Variants in MTREX observed in about 807,000 individuals in gnomAD.
MTREX encodes Mtr4 exosome RNA helicase.
MTREX carries 76 observed loss-of-function variants against 135.4 expected under a neutral mutation model. The ratio of observed to expected loss-of-function variants is 0.56; its 90% CI spans 0.47 to 0.68. The LOEUF (loss-of-function observed/expected upper bound fraction) is 0.68. Ranked by LOEUF, MTREX falls within the 30% of genes least tolerant of loss-of-function variation. MTREX has a pLI of 0.00. For missense variants in MTREX, 920 were observed against 1,262.1 expected, an observed-to-expected ratio of 0.73 and a Z score of 4.11; for synonymous variants, 404 against 401.6, an observed-to-expected ratio of 1.01 and a Z score of -0.07.
chr5:55,385,187 T>A (rs1290594373), intron 18 of MTREX, among the ~76,000 whole-genome samples: 1 of 152,166 alleles, frequency 6.6e-6, no homozygotes, highest in Non-Finnish European at 1.5e-5. Flanking sequence ...CTGAGTAACA[T>A]CACTGCTTTA....
At chr5:55,351,571 G>A (rs1460045931) in intron 13 of MTREX, among the ~76,000 whole-genome samples, 1 of 152,080 alleles carries the variant, frequency 6.6e-6, no homozygotes, top group Admixed American at 6.6e-5. Context: ...TAACACTATT[G>A]GATACCACAG....
At chr5:55,409,817 C>T (rs1452687322) in intron 22 of MTREX, among the ~76,000 whole-genome samples, 1 of 152,174 alleles carries the variant, frequency 6.6e-6, no homozygotes, top group Non-Finnish European at 1.5e-5. Context: ...GGATATTTTT[C>T]AGATTTGTGG....
At chr5:55,389,348 T>G (rs1750528083) in intron 19 of MTREX, among the ~76,000 whole-genome samples, 1 of 152,220 alleles carries the variant, frequency 6.6e-6, no homozygotes, top group African/African-American at 2.4e-5. Flanking sequence ...TAGTAAGTCA[T>G]AGCACTCTTA....
chr5:55,341,758 TA>T lies in MTREX; in HGVS notation c.769del (p.Met257Ter). On this transcript the variant is annotated frameshift_variant, in exon 7 of 27. Transcript: ENST00000230640. LOFTEE classifies it high-confidence loss of function. The part of the protein sequence containing the change: ...AWVIFDEIHY[M>X]RDSERGVVWE... The stretch of plus-strand genomic sequence containing the variant: ...GGGTTATATTTGATGAAATTCATTA[TA>T]TGAGAGATTCAGGTATATTCAGTGT... The T allele has an allele frequency of 6.6e-7, 1 of 1,525,606 alleles. No homozygotes were observed. Among genetic ancestry groups the T allele is most frequent in the African/African-American group, 1.4e-5 (1 of 73,176 alleles). 94.5% of individuals were successfully genotyped at this position (1,525,606 alleles called of 1,614,324 possible).
chr5:55,413,317 C>T (rs1227819203), intron 23 of MTREX, among the ~76,000 whole-genome samples: 5 of 143,034 alleles, frequency 3.5e-5, no homozygotes, highest in Non-Finnish European at 7.5e-5. Context: ...AGCTGGGCAA[C>T]AGAGCGAGAC....
chr5:55,421,819 C>G (rs1751059874), intron 25 of MTREX, among the ~76,000 whole-genome samples: 1 of 151,940 alleles, frequency 6.6e-6, no homozygotes, highest in Non-Finnish European at 1.5e-5. Context: ...TGAGCCACTA[C>G]CTAATTTAAT....
At chr5:55,420,056 C>T (rs1321256176) in intron 25 of MTREX, among the ~76,000 whole-genome samples, 2 of 152,186 alleles carry the variant, frequency 1.3e-5, no homozygotes, top group African/African-American at 4.8e-5. Flanking sequence ...GATACTTACT[C>T]GTTTAATGAA....
intron 19 of MTREX, among the ~76,000 whole-genome samples, chr5:55,395,445 G>A (rs1425306182): frequency 6.6e-6 from 1 of 151,946 alleles, no homozygotes; most frequent in Non-Finnish European, 1.5e-5. Flanking sequence ...AGTTAGAAAA[G>A]TCACCATTAG....
chr5:55,354,879 A>G (rs972917633), intron 14 of MTREX, among the ~76,000 whole-genome samples: 4 of 152,190 alleles, frequency 2.6e-5, no homozygotes, highest in Non-Finnish European at 2.9e-5. Context: ...TTTCTAGTGG[A>G]CAGCAGTCAA....
chr5:55,340,035 G>A lies in MTREX; in HGVS notation c.541G>A (p.Glu181Lys). 1 of 1,568,274 alleles carries A rather than the reference G, an allele frequency of 6.4e-7. No homozygotes were observed. Among genetic ancestry groups the A allele is most frequent in the Non-Finnish European group, 8.6e-7 (1 of 1,158,206 alleles). Residue 181 changes from glutamate to lysine, a missense_variant, in exon 6 of 27, where the codon GAA becomes AAA. This residue lies in a region of MTREX where 82 missense variants were observed against 107.4 expected (regional missense o/e 0.76). Coordinates refer to ENST00000230640, the MANE Select transcript of MTREX (RefSeq NM_015360.5). ...AEYAIALALR[E>K]KQRVIFTSPI... ...GTATGCCATTGCATTGGCCTTAAGG[G>A]AAAAGCAGCGTGTAATATTTACCAG...
intron 16 of MTREX, among the ~76,000 whole-genome samples, chr5:55,374,264 TTATA>T (rs763872215): frequency 6.4e-5 from 9 of 139,654 alleles, no homozygotes; most frequent in African/African-American, 1.9e-4. Flanking sequence ...CAAAAAACAT[TTATA>T]TATATATATA....
At chr5:55,383,661 C>A (rs1416310333) in intron 18 of MTREX, among the ~76,000 whole-genome samples, 1 of 152,120 alleles carries the variant, frequency 6.6e-6, no homozygotes, top group Non-Finnish European at 1.5e-5. Context: ...TAGAAAGTGA[C>A]CAAACTTCTT....
chr5:55,405,465 A>C lies in MTREX; in HGVS notation c.2522A>C (p.Lys841Thr), dbSNP rs1314865535. ...AAATCTGCAAAGCGAGAACTGAAGA[A>C]AGCAAGAACAGTCCTACAAATGGAT... is the stretch of plus-strand genomic sequence containing the variant. The part of the protein sequence containing the change: ...DIKSAKRELK[K>T]ARTVLQMDEL... The change falls in exon 22 of 27, where the codon AAA (lysine) becomes ACA (threonine). Residue 841 changes from lysine to threonine, a missense_variant. Lys to Thr is a moderately conservative substitution (Grantham distance 78, BLOSUM62 -1). Transcript: ENST00000230640. 1 of 1,613,992 alleles carries C rather than the reference A, an allele frequency of 6.2e-7. No individual in the cohort carries two copies. Among genetic ancestry groups the C allele is most frequent in the South Asian group, 1.1e-5 (1 of 91,068 alleles).
At chr5:55,337,684 G>T (rs1216885159) in intron 5 of MTREX, among the ~76,000 whole-genome samples, 5 of 151,564 alleles carry the variant, frequency 3.3e-5, no homozygotes, top group African/African-American at 1.2e-4. Context: ...TGTGATTAGA[G>T]AAGATACTTC....
chr5:55,421,116 C>A (rs183309228), intron 25 of MTREX, among the ~76,000 whole-genome samples: 5 of 152,284 alleles, frequency 3.3e-5, no homozygotes, highest in African/African-American at 1.2e-4. Flanking sequence ...TGGTCAGCTT[C>A]ATTTAGCCTA....
intron 19 of MTREX, among the ~76,000 whole-genome samples, chr5:55,394,437 GAT>G (rs1750616234): frequency 2.0e-5 from 3 of 152,356 alleles, no homozygotes; most frequent in African/African-American, 7.2e-5. Flanking sequence ...TTTTGTGGAA[GAT>G]AGTTTTTCCA....
At chr5:55,366,347 G>A (rs184666189) in intron 15 of MTREX, among the ~76,000 whole-genome samples, 3 of 152,176 alleles carry the variant, frequency 2.0e-5, no homozygotes, top group East Asian at 1.9e-4. Flanking sequence ...AAAATTAGCC[G>A]GGGATGGTGG....
intron 15 of MTREX, among the ~76,000 whole-genome samples, chr5:55,361,956 G>A (rs965094356): frequency 6.6e-6 from 1 of 151,508 alleles, no homozygotes; most frequent in African/African-American, 2.4e-5. Flanking sequence ...TTGCTCTGTT[G>A]CCCAGGCCGG....
chr5:55,337,209 T>A (rs1273438779), intron 5 of MTREX, among the ~76,000 whole-genome samples: 1 of 152,138 alleles, frequency 6.6e-6, no homozygotes, highest in Non-Finnish European at 1.5e-5. Flanking sequence ...CAGCCTTGAC[T>A]TCCCAGGCTC....
Sources: gnomAD v4.1 joint callset for allele counts (sites outside exome capture counted in the v4.1 genomes callset) on GRCh38, gnomAD v4.1.1 for gene constraint, gnomAD v4.1.1 regional missense constraint, MANE v1.5 for transcripts, NCBI Gene and HGNC (gene_info 2026-07-23, HGNC 2026-07-21) for gene names.